SHISAL2A: variants seen among roughly 807,000 people sequenced by gnomAD.
SHISAL2A encodes protein shisa-like-2A.
SHISAL2A carries 18 observed loss-of-function variants against 11.5 expected under a neutral mutation model. The observed-to-expected ratio is 1.57, with a 90% CI of 1.08 to 2.33. The LOEUF (loss-of-function observed/expected upper bound fraction) is 2.33. Ranked by LOEUF, SHISAL2A falls within the 30% of genes most tolerant of loss-of-function variation. The pLI is 0.00. For synonymous variants in SHISAL2A, 94 were observed against 99.6 expected, an observed-to-expected ratio of 0.94 and a Z score of 0.34; for missense variants, 261 against 250.9, an observed-to-expected ratio of 1.04 and a Z score of -0.27.
intron 2 of SHISAL2A, among the ~76,000 whole-genome samples, chr1:52,654,684 C>T (rs1009180355): frequency 6.6e-6 from 1 of 152,152 alleles, no homozygotes; most frequent in Non-Finnish European, 1.5e-5. Flanking sequence ...AAAACTCTAA[C>T]ACTTTTAGAA....
At chr1:52,654,138 T>G (rs1691735662) in intron 2 of SHISAL2A, among the ~76,000 whole-genome samples, 3 of 152,074 alleles carry the variant, frequency 2.0e-5, no homozygotes, top group Non-Finnish European at 4.4e-5. Flanking sequence ...TTTGAACTCC[T>G]GGGCTCAAGC....
rs966567637 is a variant in SHISAL2A, at chr1:52,633,875, A to G, written c.182+200A>G. Among the ~76,000 whole-genome samples the G allele has an allele frequency of 7.2e-5, 11 of 151,952 alleles. No individual in the cohort carries two copies. The highest frequency in any genetic ancestry group is 2.7e-4 in the African/African-American group (11 of 41,336). On this transcript the variant is annotated intron_variant, in intron 1 of 2. Transcript: ENST00000517870. This position sits in a 1 kb window ranked among gnomAD's most constrained non-coding sequence, Gnocchi z 6.4. ...CTCATCCTGACCCCAACCATTATTT[A>G]GAGCCATGCTCGGACCTCCCCCTCC... is the stretch of plus-strand genomic sequence containing the variant.
chr1:52,647,225 G>A (rs1558089071), intron 2 of SHISAL2A, among the ~76,000 whole-genome samples: 1 of 152,084 alleles, frequency 6.6e-6, no homozygotes, highest in Non-Finnish European at 1.5e-5. Flanking sequence ...ATTAAATAAG[G>A]TCACTTTAAA....
intron 4 of SHISAL2A, among the ~76,000 whole-genome samples, chr1:52,666,622 A>G (rs1240795167): frequency 6.6e-6 from 1 of 151,806 alleles, no homozygotes; most frequent in Non-Finnish European, 1.5e-5. Flanking sequence ...TTGAGTGCTT[A>G]CTATATGCTG....
chr1:52,664,353 G>C (rs1050754445), intron 4 of SHISAL2A, among the ~76,000 whole-genome samples: 1 of 148,186 alleles, frequency 6.7e-6, no homozygotes, highest in East Asian at 2.0e-4. Context: ...ACCACGCCCA[G>C]CTAATTTTTT....
intron 1 of SHISAL2A, among the ~76,000 whole-genome samples, chr1:52,640,727 G>C (rs555518788): frequency 1.3e-5 from 2 of 152,082 alleles, no homozygotes; most frequent in Non-Finnish European, 2.9e-5. Flanking sequence ...TCTAAAATTT[G>C]GTCTCTGAAC....
intron 1 of SHISAL2A, among the ~76,000 whole-genome samples, chr1:52,641,967 G>A (rs1571682450): frequency 6.6e-6 from 1 of 152,226 alleles, no homozygotes; most frequent in Non-Finnish European, 1.5e-5. Context: ...AGCTGGGCGT[G>A]GTGGCACATG....
rs555605419 is a variant in SHISAL2A at position 52,664,260 on chromosome 1, C to T, written n.696-3139C>T. ...GGCTGGAGTGCAGTGGCGCGATCTC[C>T]GCTCGCTGCAAGCTCTGCCTCTCGG... On this transcript the variant is annotated intron_variant and non_coding_transcript_variant, in intron 4 of 5. Coordinates refer to the SHISAL2A transcript ENST00000401050. Among the ~76,000 whole-genome samples, 255 of 150,476 alleles carry T rather than the reference C, an allele frequency of 1.7e-3. 1 individual carries two copies. Among genetic ancestry groups the T allele is most frequent in the African/African-American group, 6.0e-3 (247 of 40,956 alleles).
chr1:52,635,037 T>C (rs1370837637), intron 1 of SHISAL2A, among the ~76,000 whole-genome samples: 1 of 152,244 alleles, frequency 6.6e-6, no homozygotes, highest in Non-Finnish European at 1.5e-5. Context: ...GTGCTATCTA[T>C]AACCCAGGGA....
chr1:52,664,547 G>A (rs1202773285), intron 4 of SHISAL2A, among the ~76,000 whole-genome samples: 2 of 115,696 alleles, frequency 1.7e-5, no homozygotes, highest in African/African-American at 4.9e-5. Flanking sequence ...TAGTAGAGAC[G>A]GGGTTTCTCC....
chr1:52,649,740 A>G lies in SHISAL2A; in HGVS notation c.322+6738A>G, dbSNP rs117803165. 1.1e-4 allele frequency among the ~76,000 whole-genome samples: 17 copies of G among 152,172 alleles called. No homozygotes were observed. In the East Asian group the frequency reaches 3.3e-3, roughly 29 times the overall value. On this transcript the variant is annotated intron_variant, in intron 2 of 2. Transcript: ENST00000517870. ...CTACTCTGCCTGGTGATTATTATCA[A>G]CTCCCATTTTGCAGATGAGGTCAGT...
At chr1:52,660,598 G>A (rs1445304002), downstream of SHISAL2A, among the ~76,000 whole-genome samples, 1 of 152,226 alleles carries the variant, frequency 6.6e-6, no homozygotes, top group Non-Finnish European at 1.5e-5. Context: ...GCCTGCCTGA[G>A]AACAAACACT....
chr1:52,663,665 G>A (rs867196749), intron 4 of SHISAL2A, among the ~76,000 whole-genome samples: 2 of 152,198 alleles, frequency 1.3e-5, no homozygotes, highest in Admixed American at 6.5e-5. Flanking sequence ...GGAAGCTGAC[G>A]CAGGAGAATC....
chr1:52,660,803 A>G (rs113833917), downstream of SHISAL2A, among the ~76,000 whole-genome samples: 1 of 152,170 alleles, frequency 6.6e-6, no homozygotes, highest in South Asian at 2.1e-4. Flanking sequence ...ACATTGATTG[A>G]CAATGATTTT....
At chr1:52,653,942 G>C (rs943615635) in intron 2 of SHISAL2A, among the ~76,000 whole-genome samples, 2 of 152,144 alleles carry the variant, frequency 1.3e-5, no homozygotes, top group African/African-American at 4.8e-5. Context: ...ATCCAGAGAA[G>C]AGAAGGGTTT....
chr1:52,665,092 C>A (rs1254550416), intron 4 of SHISAL2A, among the ~76,000 whole-genome samples: 1 of 152,180 alleles, frequency 6.6e-6, no homozygotes, highest in African/African-American at 2.4e-5. Flanking sequence ...CCACCCACCC[C>A]TATGCGATGT....
At chr1:52,641,020 G>A (rs756357412) in intron 1 of SHISAL2A, among the ~76,000 whole-genome samples, 13 of 152,184 alleles carry the variant, frequency 8.5e-5, no homozygotes, top group Non-Finnish European at 1.6e-4. Flanking sequence ...ACAGGGTTTA[G>A]AGAACTTCTG....
chr1:52,636,035 T>C (rs563599775), intron 1 of SHISAL2A, among the ~76,000 whole-genome samples: 53 of 152,378 alleles, frequency 3.5e-4, no homozygotes, highest in African/African-American at 1.2e-3. Flanking sequence ...GCCCACTGTG[T>C]AGTTGGCATT....
At chr1:52,641,155 G>T (rs1691355266) in intron 1 of SHISAL2A, among the ~76,000 whole-genome samples, 1 of 152,256 alleles carries the variant, frequency 6.6e-6, no homozygotes, top group African/African-American at 2.4e-5. Flanking sequence ...TGTATCCTTT[G>T]TAATATCCTT....
Sources: gnomAD v4.1 joint callset for allele counts (sites outside exome capture counted in the v4.1 genomes callset) on GRCh38, gnomAD v4.1.1 for gene constraint, Gnocchi (gnomAD v3.1) non-coding constraint, MANE v1.5 for transcripts, NCBI Gene and HGNC (gene_info 2026-07-23, HGNC 2026-07-21) for gene names.